Variants in AGO2 observed in about 807,000 individuals in gnomAD.
AGO2 encodes protein argonaute-2.
A neutral mutation model predicts 102.3 loss-of-function variants in AGO2; 5 were observed. That is an observed-to-expected ratio of 0.05 (90% CI 0.03 to 0.10). AGO2 has a LOEUF of 0.10. Among genes scored for constraint, AGO2 ranks in the 10% least tolerant of loss-of-function variants. The pLI, the probability that AGO2 is intolerant of heterozygous loss-of-function variation, is 1.00. For missense variants in AGO2, 541 were observed against 1,183.7 expected, an observed-to-expected ratio of 0.46 and a Z score of 7.97; for synonymous variants, 449 against 473.1, an observed-to-expected ratio of 0.95 and a Z score of 0.66.
At chr8:140,577,771 A>C (rs2073489404) in intron 2 of AGO2, among the ~76,000 whole-genome samples, 1 of 152,136 alleles carries the variant, frequency 6.6e-6, no homozygotes, top group South Asian at 2.1e-4. Context: ...GATTCAAGGA[A>C]ATACAACCGA....
rs575864605 is a variant in AGO2, at chr8:140,584,023, T to C, written c.215+1096A>G. ...CAAACGTTGTCATGCGGTACATGAC[T>C]GTATCTCTATCCTATTGGTTCTGTC... On this transcript the variant is annotated intron_variant, in intron 2 of 18. Transcript: ENST00000220592. Among the ~76,000 whole-genome samples, 89 of 152,248 alleles carry C rather than the reference T, an allele frequency of 5.8e-4. 1 individual carries two copies. The highest frequency in any genetic ancestry group is 1.6e-4 in the Non-Finnish European group (11 of 68,018).
intron 1 of AGO2, among the ~76,000 whole-genome samples, chr8:140,616,233 C>T (rs1031349170): frequency 2.6e-5 from 4 of 152,214 alleles, no homozygotes; most frequent in Non-Finnish European, 5.9e-5. Flanking sequence ...CTTACTGAAG[C>T]ATCATTTTGA....
rs2073930307 is a variant in AGO2 at position 140,601,317 on chromosome 8, CT to C, written c.23-16007del. On this transcript the variant is annotated intron_variant, in intron 1 of 18. Coordinates refer to ENST00000220592, the MANE Select transcript of AGO2 (RefSeq NM_012154.5). ...TTCAATGTCACCTCCTTAGAGACTG[CT>C]GACTGGCTTGTTAAAAACGGTGCAT... is the stretch of plus-strand genomic sequence containing the variant. Among the ~76,000 whole-genome samples the C allele has an allele frequency of 2.6e-5, 4 of 152,236 alleles. 1 individual carries two copies. The South Asian group carries it at 8.3e-4, about 31-fold the overall frequency.
At chr8:140,535,994 A>G (rs2072689069) in intron 16 of AGO2, among the ~76,000 whole-genome samples, 3 of 152,240 alleles carry the variant, frequency 2.0e-5, no homozygotes, top group Non-Finnish European at 4.4e-5. Flanking sequence ...CCGGCGCTCC[A>G]GGCAGAGGCG....
intron 3 of AGO2, among the ~76,000 whole-genome samples, chr8:140,569,652 AAAG>A (rs774184323): frequency 3.3e-5 from 5 of 152,208 alleles, no homozygotes; most frequent in Non-Finnish European, 5.9e-5. Context: ...TCATGCCTTC[AAAG>A]AAGAACCCAG....
intron 16 of AGO2, among the ~76,000 whole-genome samples, chr8:140,537,226 C>G (rs2072713802): frequency 6.6e-6 from 1 of 152,124 alleles, no homozygotes; most frequent in Non-Finnish European, 1.5e-5. Flanking sequence ...TTTTATAACC[C>G]TTCCGTGTGA....
intron 1 of AGO2, chr8:140,626,377 C>G (rs1322003004): frequency 2.6e-5 from 4 of 152,146 alleles, no homozygotes; most frequent in African/African-American, 9.7e-5. Context: ...ACCCAGAGGT[C>G]AACAAAGGGG....
upstream of AGO2, chr8:140,636,825 T>C (rs1288871952): frequency 2.0e-5 from 3 of 152,248 alleles, no homozygotes; most frequent in Admixed American, 2.0e-4. Flanking sequence ...CATGGCATTC[T>C]TCATCACCGC....
In AGO2 at chr8:140,531,642, G is replaced by A. The variant is rs952694393; in HGVS notation, c.*402C>T. On this transcript the variant is annotated 3_prime_UTR_variant, in exon 19 of 19. Coordinates refer to ENST00000220592, the MANE Select transcript of AGO2 (RefSeq NM_012154.5). ...GTGTTTTGTGTTGCTTTCACTCTCA[G>A]AAGATTCACAGCTAGTTTGAGCCCA... 6.1e-6 allele frequency: 1 copy of A among 165,010 alleles called. No individual in the cohort carries two copies. Among genetic ancestry groups the A allele is most frequent in the African/African-American group, 2.4e-5 (1 of 41,634 alleles). The allele number at this position is 165,010 out of a possible 1,614,324, so 10.2% of individuals were successfully genotyped here.
Position 140,608,213 on chromosome 8 carries a change from G to A in AGO2, c.23-22902C>T, listed in dbSNP as rs534957336. ...CAGGCAGAGATAACCTGTCGGAGGT[G>A]GATGTTACACTTGGCACTTTTTACG... On this transcript the variant is annotated intron_variant, in intron 1 of 18. Coordinates refer to ENST00000220592, the MANE Select transcript of AGO2 (RefSeq NM_012154.5). Among the ~76,000 whole-genome samples the A allele has an allele frequency of 9.4e-4, 143 of 152,300 alleles. 1 individual carries two copies. Among genetic ancestry groups the A allele is most frequent in the African/African-American group, 3.2e-3 (135 of 41,552 alleles).
chr8:140,555,738 T>C, intron 10 of AGO2, 158 bp downstream of exon 10: 1 of 1,072,390 alleles, frequency 9.3e-7, no homozygotes, highest in Non-Finnish European at 1.3e-6. Flanking sequence ...GCCATTCCTT[T>C]ATGAAATCTC....
In AGO2 at chr8:140,557,250, G is replaced by A; in HGVS notation, c.879-14C>T. 1 of 1,608,408 alleles carries A rather than the reference G, an allele frequency of 6.2e-7. No individual in the cohort carries two copies. Among genetic ancestry groups the A allele is most frequent in the African/African-American group, 1.3e-5 (1 of 74,912 alleles). On this transcript the variant is annotated splice_polypyrimidine_tract_variant and intron_variant, in intron 7 of 18. Transcript: ENST00000220592. This position sits in a 1 kb window ranked among gnomAD's most constrained non-coding sequence, Gnocchi z 5.9. The stretch of plus-strand genomic sequence containing the variant: ...TGCAGCGGGAATCTGAGGAGCAAAG[G>A]GGCTGTTCAGGCCGAGGGCATCCCG...
intron 1 of AGO2, among the ~76,000 whole-genome samples, chr8:140,593,488 G>A (rs185529408): frequency 2.1e-4 from 31 of 149,558 alleles, no homozygotes; most frequent in South Asian, 1.3e-3. Flanking sequence ...CACTGTGCCC[G>A]GCCGACATAC....
rs540824633 is a variant in AGO2 at position 140,547,455 on chromosome 8, G to C, written c.1748+13C>G. On this transcript the variant is annotated intron_variant, in intron 13 of 18. Coordinates refer to ENST00000220592, the MANE Select transcript of AGO2 (RefSeq NM_012154.5). ...CCTGGTCCGCAGGCGGAGGTAAAGG[G>C]GCCGGGCCTCACCTGCCCTGGGGCA... 1 of 1,612,532 alleles carries C rather than the reference G, an allele frequency of 6.2e-7. No homozygotes were observed. The highest frequency in any genetic ancestry group is 1.3e-5 in the African/African-American group (1 of 74,912).
chr8:140,628,739 T>C (rs1271947670), intron 1 of AGO2, among the ~76,000 whole-genome samples: 1 of 151,820 alleles, frequency 6.6e-6, no homozygotes, highest in Non-Finnish European at 1.5e-5. Context: ...CACTCTAGCC[T>C]GGGCAACAGA....
upstream of AGO2, among the ~76,000 whole-genome samples, chr8:140,639,236 C>A (rs1157428624): frequency 6.6e-6 from 1 of 152,112 alleles, no homozygotes; most frequent in Non-Finnish European, 1.5e-5. Flanking sequence ...AATCCTAGCA[C>A]TTTGGGAGGC....
At chr8:140,561,865 G>C (rs1335828382) in intron 4 of AGO2, among the ~76,000 whole-genome samples, 1 of 152,236 alleles carries the variant, frequency 6.6e-6, no homozygotes, top group African/African-American at 2.4e-5. Flanking sequence ...CAGGTGTGCT[G>C]AGGGCTGACG....
At chr8:140,570,883 C>T (rs7015457) in intron 3 of AGO2, among the ~76,000 whole-genome samples, 1,704 of 152,278 alleles carry the variant, frequency 0.011, 32 homozygotes, top group African/African-American at 0.037. Context: ...ACCATATAGA[C>T]GCCCTCAGCC....
At chr8:140,633,588 C>A (rs551035407) in intron 1 of AGO2, among the ~76,000 whole-genome samples, 1 of 152,340 alleles carries the variant, frequency 6.6e-6, no homozygotes, top group South Asian at 2.1e-4. Flanking sequence ...CACAGTACAG[C>A]AGTGAGCTGG....
Sources: allele counts gnomAD v4.1 joint callset (sites outside exome capture counted in the v4.1 genomes callset), GRCh38; gene constraint gnomAD v4.1.1; non-coding constraint Gnocchi (gnomAD v3.1); transcripts MANE v1.5; gene names NCBI Gene and HGNC (gene_info 2026-07-23, HGNC 2026-07-21).